The following ZFHX3 variants were observed in gnomAD, a reference collection of about 807,000 sequenced individuals.
ZFHX3 encodes zinc finger homeobox 3.
In ZFHX3, 42 loss-of-function variants were observed where a neutral mutation model predicts 279.1. The ratio of observed to expected loss-of-function variants is 0.15; its 90% CI spans 0.12 to 0.19. The LOEUF is 0.19. Among genes scored for constraint, ZFHX3 ranks in the 10% least tolerant of loss-of-function variants. ZFHX3 has a pLI of 1.00. For missense variants in ZFHX3, 4,981 were observed against 4,754.0 expected, an observed-to-expected ratio of 1.05 and a Z score of -1.40; for synonymous variants, 2,293 against 1,957.8, an observed-to-expected ratio of 1.17 and a Z score of -4.52.
chr16:73,712,224 TA>T (rs138895143), intron 1 of ZFHX3, among the ~76,000 whole-genome samples: 8,300 of 151,308 alleles, frequency 0.055, 372 homozygotes, highest in African/African-American at 0.13. Context: ...GCTGCAGTTT[TA>T]AAAAAAAACG....
intron 5 of ZFHX3, among the ~76,000 whole-genome samples, chr16:73,166,634 C>T (rs9936439): frequency 0.25 from 37,698 of 151,992 alleles, 4,985 homozygotes; most frequent in Admixed American, 0.38. Flanking sequence ...AGGTTAATTT[C>T]CTGTGTGCTC....
chr16:73,660,896 T>G (rs906307653), intron 2 of ZFHX3, among the ~76,000 whole-genome samples: 1 of 152,176 alleles, frequency 6.6e-6, no homozygotes, highest in African/African-American at 2.4e-5. Flanking sequence ...TGCTGACCTT[T>G]TGCTTTAATC....
chr16:73,712,619 T>C (rs921105074), intron 1 of ZFHX3, among the ~76,000 whole-genome samples: 1 of 152,156 alleles, frequency 6.6e-6, no homozygotes, highest in Non-Finnish European at 1.5e-5. Flanking sequence ...CAGGTGGCCA[T>C]GTCTGGAAGC....
At chr16:72,841,661 A>G (rs2037348758) in intron 4 of ZFHX3, among the ~76,000 whole-genome samples, 1 of 152,198 alleles carries the variant, frequency 6.6e-6, no homozygotes, top group Admixed American at 6.5e-5. Flanking sequence ...AATCTCCCAC[A>G]GCTACTAAAC....
chr16:73,230,391 C>T (rs1482247973), intron 5 of ZFHX3, among the ~76,000 whole-genome samples: 1 of 152,122 alleles, frequency 6.6e-6, no homozygotes, highest in African/African-American at 2.4e-5. Flanking sequence ...GAAAATTAGT[C>T]AGTCTCGAAG....
In ZFHX3 at chr16:73,075,184, C is replaced by T. The variant is rs998270861; in HGVS notation, c.-532-16172G>A. 7.1e-4 allele frequency among the ~76,000 whole-genome samples: 108 copies of T among 152,122 alleles called. 1 individual carries two copies. Among genetic ancestry groups the T allele is most frequent in the African/African-American group, 2.5e-3 (105 of 41,420 alleles). ...GGAAGATAGGCCAGGTGTGGTGGCTCATGCCTGTAATCACAGTGCTTAGAG... is the reference window on the plus strand; with the variant it reads ...GGAAGATAGGCCAGGTGTGGTGGCTTATGCCTGTAATCACAGTGCTTAGAG... On this transcript the variant is annotated intron_variant, in intron 8 of 17. Coordinates refer to the ZFHX3 transcript ENST00000641206.
chr16:72,821,751 C>T (rs1597276683), intron 5 of ZFHX3, among the ~76,000 whole-genome samples: 1 of 152,206 alleles, frequency 6.6e-6, no homozygotes, highest in Non-Finnish European at 1.5e-5. Context: ...ACACTGTCTA[C>T]ACATGGTTTC....
intron 6 of ZFHX3, among the ~76,000 whole-genome samples, chr16:73,133,039 G>A (rs1255499728): frequency 6.6e-6 from 1 of 152,206 alleles, no homozygotes; most frequent in East Asian, 1.9e-4. Context: ...ACACATGGGA[G>A]GCCCCTGGGG....
intron 5 of ZFHX3, among the ~76,000 whole-genome samples, chr16:73,204,007 T>A (rs1014793335): frequency 5.3e-5 from 8 of 152,300 alleles, no homozygotes; most frequent in Non-Finnish European, 1.2e-4. Flanking sequence ...TAACCTATGA[T>A]TTTACAACTT....
At chr16:73,237,826 A>G (rs1396625953) in intron 5 of ZFHX3, among the ~76,000 whole-genome samples, 13 of 146,956 alleles carry the variant, frequency 8.8e-5, no homozygotes, top group Admixed American at 8.6e-4. Context: ...TTCCACTGGC[A>G]AAGGCAGAAG....
Position 73,239,224 on chromosome 16 carries a change from G to A in ZFHX3, c.-1104+17823C>T, listed in dbSNP as rs1057012587. Among the ~76,000 whole-genome samples the A allele has an allele frequency of 6.6e-5, 10 of 152,256 alleles. No homozygotes were observed. The East Asian group carries it at 1.7e-3, about 26-fold the overall frequency. On this transcript the variant is annotated intron_variant, in intron 5 of 17. Coordinates refer to the ZFHX3 transcript ENST00000641206. ...TCAAGCTGAGGGAAATACAGCGACCGTTTCCCATAGAGAAAAAAGGATTTC... is the reference window on the plus strand; with the variant it reads ...TCAAGCTGAGGGAAATACAGCGACCATTTCCCATAGAGAAAAAAGGATTTC...
intron 2 of ZFHX3, among the ~76,000 whole-genome samples, chr16:73,563,020 C>T (rs927013297): frequency 4.6e-5 from 7 of 152,152 alleles, no homozygotes; most frequent in Admixed American, 1.3e-4. Flanking sequence ...GCCAGTGATT[C>T]AAAATATTGC....
At chr16:73,471,773 G>C (rs1264988636) in intron 2 of ZFHX3, among the ~76,000 whole-genome samples, 1 of 152,182 alleles carries the variant, frequency 6.6e-6, no homozygotes, top group Non-Finnish European at 1.5e-5. Context: ...ACATAAAGGA[G>C]ACTCAAGTAT....
chr16:72,880,629 A>G (rs1235704603), intron 4 of ZFHX3, among the ~76,000 whole-genome samples: 1 of 152,174 alleles, frequency 6.6e-6, no homozygotes, highest in Non-Finnish European at 1.5e-5. Context: ...TGACTTTATA[A>G]TATGACAATT....
intron 3 of ZFHX3, among the ~76,000 whole-genome samples, chr16:73,347,008 GA>G (rs1424907603): frequency 9.2e-5 from 14 of 152,182 alleles, no homozygotes; most frequent in Admixed American, 2.0e-4. Flanking sequence ...GGAGGAAATT[GA>G]AGCTCAGAGC....
rs941080314 is a variant in ZFHX3, at chr16:73,382,884, C to T, written c.-1290-64548G>A. 3.9e-5 allele frequency among the ~76,000 whole-genome samples: 6 copies of T among 152,170 alleles called. No homozygotes were observed. In the East Asian group the frequency reaches 1.2e-3, roughly 29 times the overall value. On this transcript the variant is annotated intron_variant, in intron 3 of 17. Transcript: ENST00000641206. ...CCTGAGAAATCCTGCCATACTTATC[C>T]ACACCTCAGTGCTGTTGCCCCTCTT... is the stretch of plus-strand genomic sequence containing the variant.
intron 5 of ZFHX3, among the ~76,000 whole-genome samples, chr16:73,147,877 C>T (rs1966874218): frequency 1.3e-5 from 2 of 151,906 alleles, no homozygotes; most frequent in African/African-American, 4.8e-5. Flanking sequence ...CTCCCAAAAA[C>T]AAAAATAAAA....
At chr16:73,556,602 G>T (rs1420317651) in intron 2 of ZFHX3, among the ~76,000 whole-genome samples, 2 of 152,062 alleles carry the variant, frequency 1.3e-5, no homozygotes, top group Admixed American at 1.3e-4. Context: ...TTTCAGGGTG[G>T]CAGGGAAGCA....
chr16:73,605,004 G>A (rs997097341), intron 2 of ZFHX3, among the ~76,000 whole-genome samples: 1 of 152,044 alleles, frequency 6.6e-6, no homozygotes, highest in African/African-American at 2.4e-5. Flanking sequence ...CCTTCTTGTG[G>A]ACTGCTGAGC....
Sources: allele counts gnomAD v4.1 joint callset (sites outside exome capture counted in the v4.1 genomes callset), GRCh38; gene constraint gnomAD v4.1.1; transcripts MANE v1.5; gene names NCBI Gene and HGNC (gene_info 2026-07-23, HGNC 2026-07-21).